ST7: variants seen among roughly 807,000 people sequenced by gnomAD.
ST7 encodes the protein suppression of tumorigenicity 7.
Under a neutral mutation model 78.7 loss-of-function variants are expected in ST7, and 28 were observed. The ratio of observed to expected loss-of-function variants is 0.36; its 90% CI spans 0.26 to 0.49. ST7 has a LOEUF of 0.49. Among genes scored for constraint, ST7 ranks in the 20% least tolerant of loss-of-function variants. The probability of loss-of-function intolerance (pLI) is 0.99; values close to 1 mark genes in which losing one functional copy is unlikely to be tolerated. For missense variants in ST7, 418 were observed against 696.0 expected (o/e 0.60, Z 4.49); for synonymous variants, 247 against 249.6 (o/e 0.99, Z 0.10).
intron 1 of ST7, among the ~76,000 whole-genome samples, chr7:116,964,372 C>T (rs1431311152): frequency 6.6e-6 from 1 of 152,108 alleles, no homozygotes; most frequent in African/African-American, 2.4e-5. Context: ...GTTTATTGAA[C>T]GTTCCTAATA....
intron 1 of ST7, among the ~76,000 whole-genome samples, chr7:116,960,248 G>A (rs1294359617): frequency 6.6e-6 from 1 of 151,994 alleles, no homozygotes; most frequent in African/African-American, 2.4e-5. Flanking sequence ...GGAGTGCAGG[G>A]ACGGGATCTC....
chr7:117,050,124 A>C (rs1797700812), intron 1 of ST7, among the ~76,000 whole-genome samples: 1 of 151,780 alleles, frequency 6.6e-6, no homozygotes, highest in South Asian at 2.1e-4. Flanking sequence ...CTGAGCCAGG[A>C]GAATCACTTG....
intron 1 of ST7, among the ~76,000 whole-genome samples, chr7:116,955,663 A>G (rs963888483): frequency 1.3e-5 from 2 of 152,178 alleles, no homozygotes; most frequent in African/African-American, 4.8e-5. Context: ...TCACATTTTC[A>G]TCAGGTTAAA....
At chr7:117,114,338 A>G (rs1308462690) in intron 2 of ST7, among the ~76,000 whole-genome samples, 1 of 152,152 alleles carries the variant, frequency 6.6e-6, no homozygotes, top group Non-Finnish European at 1.5e-5. Flanking sequence ...AAAATGTTAC[A>G]GGTATTACTG....
At position 117,190,898 on chromosome 7, in the gene ST7, A is replaced by G; in HGVS notation, c.1216A>G (p.Ile406Val). Residue 406 changes from isoleucine to valine, a missense_variant, in exon 12 of 16, where the codon ATT (isoleucine) becomes GTT (valine). Coordinates refer to ENST00000323984, the MANE Select transcript of ST7 (RefSeq NM_001369598.1). The surrounding 1 kb of genome is among the most constrained non-coding windows in gnomAD (Gnocchi z 5.2). ...STAEMNAVEA[I>V]HRAVEFNPHV... ...AGCAGAGATGAATGCAGTAGAGGCC[A>G]TTCATAGAGCTGTGGAATTCAATCC... 6.2e-7 allele frequency: 1 copy of G among 1,614,134 alleles called. No individual in the cohort carries two copies. Among genetic ancestry groups the G allele is most frequent in the Non-Finnish European group, 8.5e-7 (1 of 1,179,994 alleles).
chr7:117,161,493 T>A (rs908463049), intron 9 of ST7, among the ~76,000 whole-genome samples: 1 of 151,874 alleles, frequency 6.6e-6, no homozygotes, highest in Non-Finnish European at 1.5e-5. Context: ...AATAAAATAA[T>A]ATAGATAAAG....
chr7:117,220,517 A>G (rs747648583), intron 14 of ST7, among the ~76,000 whole-genome samples: 1 of 152,224 alleles, frequency 6.6e-6, no homozygotes, highest in Non-Finnish European at 1.5e-5. Context: ...GTTTTAATCG[A>G]GTCCAATTAA....
chr7:116,969,269 C>T (rs1235537808), intron 1 of ST7, among the ~76,000 whole-genome samples: 1 of 152,090 alleles, frequency 6.6e-6, no homozygotes, highest in Non-Finnish European at 1.5e-5. Flanking sequence ...AGTATCATAT[C>T]TCCCTAGAAT....
chr7:117,115,511 C>T (rs577718388), intron 2 of ST7, among the ~76,000 whole-genome samples: 81 of 151,498 alleles, frequency 5.3e-4, no homozygotes, highest in South Asian at 2.9e-3. Context: ...CCCACCACCA[C>T]GCCTGGCTAA....
intron 1 of ST7, chr7:116,966,214 C>T (rs1403977704): frequency 3.6e-6 from 1 of 280,948 alleles, no homozygotes; most frequent in South Asian, 3.5e-5. Flanking sequence ...TTAATTATTT[C>T]CGTAATATAT....
chr7:117,066,764 C>CAAAAAAAAAA (rs35246518), intron 1 of ST7, among the ~76,000 whole-genome samples: 1 of 74,734 alleles, frequency 1.3e-5, no homozygotes, highest in Non-Finnish European at 2.4e-5. Context: ...GACTCCGTCT[C>CAAAAAAAAAA]AAAAAAAAAA....
At chr7:117,027,507 TA>T (rs374358721) in intron 1 of ST7, among the ~76,000 whole-genome samples, 1 of 108,346 alleles carries the variant, frequency 9.2e-6, no homozygotes, top group Admixed American at 9.1e-5. Context: ...GTAAGTAAAG[TA>T]AAAAGTAAAG....
chr7:117,003,262 G>C (rs1795021416), intron 1 of ST7, among the ~76,000 whole-genome samples: 1 of 151,052 alleles, frequency 6.6e-6, no homozygotes, highest in African/African-American at 2.4e-5. Context: ...CTCCCAAGTA[G>C]CTAAGACTAT....
intron 1 of ST7, among the ~76,000 whole-genome samples, chr7:117,030,033 A>T (rs1306298265): frequency 6.6e-6 from 1 of 152,116 alleles, no homozygotes. Context: ...ATGCATTTTT[A>T]AATTTGCTTG....
intron 2 of ST7, among the ~76,000 whole-genome samples, chr7:117,114,221 C>T (rs1446799222): frequency 6.7e-6 from 1 of 149,978 alleles, no homozygotes; most frequent in Non-Finnish European, 1.5e-5. Context: ...ATACAGAAAC[C>T]AAGAATGTAA....
intron 8 of ST7, among the ~76,000 whole-genome samples, chr7:117,137,790 A>C (rs1804916858): frequency 6.6e-6 from 1 of 152,200 alleles, no homozygotes; most frequent in Non-Finnish European, 1.5e-5. Flanking sequence ...AATTAAATAA[A>C]AGATTAAGAT....
intron 1 of ST7, among the ~76,000 whole-genome samples, chr7:117,020,902 G>A (rs1795870011): frequency 1.3e-5 from 2 of 152,138 alleles, no homozygotes; most frequent in Non-Finnish European, 2.9e-5. Context: ...TTAATTGATG[G>A]GATCAGGCCT....
chr7:117,204,249 G>A (rs975039517), intron 12 of ST7, among the ~76,000 whole-genome samples: 1 of 152,082 alleles, frequency 6.6e-6, no homozygotes, highest in Non-Finnish European at 1.5e-5. Flanking sequence ...AATTTTTTTG[G>A]TAGCAAAAAT....
chr7:117,144,965 G>A (rs945174435), intron 9 of ST7, among the ~76,000 whole-genome samples: 3 of 152,200 alleles, frequency 2.0e-5, no homozygotes, highest in Admixed American at 1.3e-4. Flanking sequence ...TTGGGAGGCC[G>A]AGGCGGGGCA....
Sources: gnomAD v4.1 joint callset for allele counts (sites outside exome capture counted in the v4.1 genomes callset) on GRCh38, gnomAD v4.1.1 for gene constraint, Gnocchi (gnomAD v3.1) non-coding constraint, MANE v1.5 for transcripts, NCBI Gene and HGNC (gene_info 2026-07-23, HGNC 2026-07-21) for gene names.